The following ME1 variants were observed in gnomAD, a reference collection of about 807,000 sequenced individuals.
ME1 encodes malic enzyme 1, also known as NADP-dependent malic enzyme.
A neutral mutation model predicts 66.4 loss-of-function variants in ME1; 74 were observed. That is an observed-to-expected ratio of 1.11 (90% confidence interval 0.92 to 1.35). The LOEUF is 1.35. ME1 is among the 40% of genes most tolerant of loss of function. The pLI is 0.00. For synonymous variants in ME1, 251 were observed against 235.6 expected (o/e 1.07, Z -0.60); for missense variants, 750 against 694.1 (o/e 1.08, Z -0.90).
At position 83,216,606 on chromosome 6, in the gene ME1, AAAAG is replaced by A. The variant is rs1790000129; in HGVS notation, c.1450-14_1450-11del. The A allele has an allele frequency of 6.4e-7, 1 of 1,569,404 alleles. No homozygotes were observed. The highest frequency in any genetic ancestry group is 8.6e-7 in the Non-Finnish European group (1 of 1,160,368). The stretch of plus-strand genomic sequence containing the variant: ...CTTGCTGAGCTATAACCTTATGAAA[AAAAG>A]AAAGAAAAAAAGTGTTTATACTTCA... On this transcript the variant is annotated splice_polypyrimidine_tract_variant and intron_variant, in intron 12 of 13. Coordinates refer to ENST00000369705, the MANE Select transcript of ME1 (RefSeq NM_002395.6).
intron 3 of ME1, among the ~76,000 whole-genome samples, chr6:83,352,565 T>C (rs1768822318): frequency 6.6e-6 from 1 of 152,178 alleles, no homozygotes; most frequent in Non-Finnish European, 1.5e-5. Flanking sequence ...TAATCCATTT[T>C]CAACATGAAG....
chr6:83,315,231 T>C (rs1460616123), intron 6 of ME1, 79 bp downstream of exon 6: 8 of 808,256 alleles, frequency 9.9e-6, no homozygotes, highest in African/African-American at 1.7e-5. Context: ...TTAAACCATA[T>C]TGCATAAATC....
chr6:83,313,173 T>G (rs1477980042), intron 6 of ME1, among the ~76,000 whole-genome samples: 1 of 152,242 alleles, frequency 6.6e-6, no homozygotes, highest in Non-Finnish European at 1.5e-5. Context: ...TGGGTTTATC[T>G]TCACTACAAC....
rs117620781 is a variant in ME1, at chr6:83,416,821, G to A, written c.79-8920C>T. On this transcript the variant is annotated intron_variant, in intron 1 of 13. Coordinates refer to ENST00000369705, the MANE Select transcript of ME1 (RefSeq NM_002395.6). ...AGAGGTGGTAGGATGTCTTTGGCCC[G>A]GGAAGTCAAAGCTGCAGTGAGTCAA... Among the ~76,000 whole-genome samples the A allele has an allele frequency of 2.6e-3, 401 of 151,516 alleles. 2 individuals are homozygous for A. Among genetic ancestry groups the A allele is most frequent in the Non-Finnish European group, 3.2e-3 (220 of 67,934 alleles).
At chr6:83,242,432 G>T (rs960020560) in intron 7 of ME1, among the ~76,000 whole-genome samples, 7 of 152,138 alleles carry the variant, frequency 4.6e-5, no homozygotes, top group African/African-American at 1.7e-4. Context: ...CTACTAAATA[G>T]ATTGGGTAAA....
chr6:83,370,727 C>T (rs1386281058), intron 3 of ME1, among the ~76,000 whole-genome samples: 2 of 152,064 alleles, frequency 1.3e-5, no homozygotes, highest in Non-Finnish European at 2.9e-5. Flanking sequence ...AAAATATATA[C>T]ATCCTATCCA....
At chr6:83,313,555 CTGTT>C (rs1767969014) in intron 6 of ME1, among the ~76,000 whole-genome samples, 1 of 152,158 alleles carries the variant, frequency 6.6e-6, no homozygotes, top group Non-Finnish European at 1.5e-5. Flanking sequence ...TTAGCAGCGT[CTGTT>C]TGTTAAAGTT....
chr6:83,284,729 T>C (rs572029656), intron 6 of ME1, among the ~76,000 whole-genome samples: 1 of 152,122 alleles, frequency 6.6e-6, no homozygotes, highest in Non-Finnish European at 1.5e-5. Flanking sequence ...TAAGACAAAC[T>C]TACAGCCAAC....
At chr6:83,416,880 A>G (rs971704688) in intron 1 of ME1, among the ~76,000 whole-genome samples, 1 of 147,458 alleles carries the variant, frequency 6.8e-6, no homozygotes, top group South Asian at 2.2e-4. Flanking sequence ...TGGGTGACAG[A>G]GTGAGATTTG....
chr6:83,397,669 C>CAG (rs1292118209), intron 3 of ME1, among the ~76,000 whole-genome samples: 3 of 152,106 alleles, frequency 2.0e-5, no homozygotes, highest in Non-Finnish European at 2.9e-5. Flanking sequence ...GAGATATCTG[C>CAG]ACTCACTCCC....
At chr6:83,300,024 C>T (rs147767405) in intron 6 of ME1, among the ~76,000 whole-genome samples, 289 of 152,130 alleles carry the variant, frequency 1.9e-3, no homozygotes, top group African/African-American at 6.6e-3. Context: ...CAAGGATTTT[C>T]GCATCAATGT....
chr6:83,358,978 G>A (rs1768952975), intron 3 of ME1, among the ~76,000 whole-genome samples: 1 of 151,898 alleles, frequency 6.6e-6, no homozygotes, highest in African/African-American at 2.4e-5. Flanking sequence ...TCACACACAA[G>A]GCTGTCACTT....
At chr6:83,251,117 T>C (rs1790715662) in intron 7 of ME1, among the ~76,000 whole-genome samples, 2 of 152,226 alleles carry the variant, frequency 1.3e-5, no homozygotes, top group African/African-American at 4.8e-5. Flanking sequence ...GACAAGTTAA[T>C]GATACAGTGA....
At chr6:83,292,997 G>A (rs1468148875) in intron 6 of ME1, among the ~76,000 whole-genome samples, 3 of 152,152 alleles carry the variant, frequency 2.0e-5, no homozygotes, top group Non-Finnish European at 4.4e-5. Context: ...AAGATCATGG[G>A]AAAAGCACAG....
Position 83,211,689 on chromosome 6 carries a change from C to T in ME1, c.*235G>A, listed in dbSNP as rs765067053. On this transcript the variant is annotated 3_prime_UTR_variant, in exon 14 of 14. Coordinates refer to ENST00000369705, the MANE Select transcript of ME1 (RefSeq NM_002395.6). ...TACGTACAACAGCTTTTAAAGAGAA[C>T]GTAGGCAGAATAATTCAGACAGAAA... 4.4e-5 allele frequency: 14 copies of T among 318,892 alleles called. No homozygotes were observed. The highest frequency in any genetic ancestry group is 8.6e-5 in the African/African-American group (4 of 46,684). The allele number at this position is 318,892 out of a possible 1,614,324, so 19.8% of individuals were successfully genotyped here. A position where few individuals can be genotyped will look rare whatever the true frequency, so the allele number is the denominator to read the frequency against.
intron 1 of ME1, among the ~76,000 whole-genome samples, chr6:83,417,134 C>T (rs200063991): frequency 1.3e-5 from 2 of 152,194 alleles, no homozygotes; most frequent in South Asian, 2.1e-4. Flanking sequence ...ACTGCAGCCT[C>T]GAATTCCTGG....
At chr6:83,237,259 GAA>G (rs1444002410) in intron 9 of ME1, among the ~76,000 whole-genome samples, 2 of 83,792 alleles carry the variant, frequency 2.4e-5, no homozygotes, top group African/African-American at 1.1e-4. Context: ...AAGAAAGAAA[GAA>G]AGAAAGAAAG....
intron 6 of ME1, among the ~76,000 whole-genome samples, chr6:83,263,811 AACATAACATAACAT>A (rs1190905511): frequency 2.0e-4 from 23 of 112,650 alleles, no homozygotes; most frequent in African/African-American, 9.6e-4. Flanking sequence ...AACATAACAT[AACATAACATAACAT>A]AACATAACAT....
intron 1 of ME1, among the ~76,000 whole-genome samples, chr6:83,409,642 G>C (rs3798890): frequency 6.6e-6 from 1 of 152,102 alleles, no homozygotes; most frequent in African/African-American, 2.4e-5. Flanking sequence ...CCAGACTGAA[G>C]AGAGACAAAT....
Sources: allele counts gnomAD v4.1 joint callset (sites outside exome capture counted in the v4.1 genomes callset), GRCh38; gene constraint gnomAD v4.1.1; transcripts MANE v1.5; gene names NCBI Gene and HGNC (gene_info 2026-07-23, HGNC 2026-07-21).